Variants in FAM171A2 observed in about 807,000 individuals in gnomAD.
The protein encoded by FAM171A2 is family with sequence similarity 171 member A2.
Under a neutral mutation model 34.2 loss-of-function variants are expected in FAM171A2, and 13 were observed. The ratio of observed to expected loss-of-function variants is 0.38; its 90% confidence interval spans 0.25 to 0.60. FAM171A2 has a LOEUF of 0.60. FAM171A2 is among the 20% of genes least tolerant of loss of function. FAM171A2 has a pLI of 0.62. For missense variants in FAM171A2, 950 were observed against 1,180.7 expected (o/e 0.80, Z 2.86); for synonymous variants, 475 against 561.2 (o/e 0.85, Z 2.17).
rs1231595202 is a variant in FAM171A2, at chr17:44,354,116, G to T, written c.2098C>A (p.Arg700Ser). ...VDVHEARPARRRPAREERERA... is the reference protein window; with the variant it reads ...VDVHEARPARSRPAREERERA... ...TCCCGCTCCTCCCTCGCGGGCCGGC[G>T]GCGCGCGGGCCGCGCCTCGTGGACA... The change falls in exon 8 of 8, where the codon CGC (arginine) becomes AGC (serine). Residue 700 changes from arginine to serine, a missense_variant. Coordinates refer to ENST00000293443, the MANE Select transcript of FAM171A2 (RefSeq NM_198475.3). The surrounding 1 kb of genome is among the most constrained non-coding windows in gnomAD (Gnocchi z 5.8). 1 of 1,144,184 alleles carries T rather than the reference G, an allele frequency of 8.7e-7. No homozygotes were observed. Among genetic ancestry groups the T allele is most frequent in the African/African-American group, 1.7e-5 (1 of 60,448 alleles). 70.9% of individuals were successfully genotyped at this position (1,144,184 alleles called of 1,614,324 possible).
intron 3 of FAM171A2, 126 bp downstream of exon 3, chr17:44,359,453 C>A (rs2048438875): frequency 2.7e-6 from 2 of 750,792 alleles, no homozygotes; most frequent in Admixed American, 5.2e-5. Flanking sequence ...TACAAATGAG[C>A]AAATTATGGC....
chr17:44,355,339 G>C lies in FAM171A2; in HGVS notation c.1023-148C>G. ...CGCTCAGGAGAGATGGCGGGGAGCC[G>C]CCGTGTCCGTTTGGCGATCCCCTCA... is the stretch of plus-strand genomic sequence containing the variant. On this transcript the variant is annotated intron_variant, in intron 7 of 7. Coordinates refer to ENST00000293443, the MANE Select transcript of FAM171A2 (RefSeq NM_198475.3). This position sits in a 1 kb window ranked among gnomAD's most constrained non-coding sequence, Gnocchi z 4.1. 7.3e-7 allele frequency: 1 copy of C among 1,374,976 alleles called. No individual in the cohort carries two copies. The highest frequency in any genetic ancestry group is 9.6e-7 in the Non-Finnish European group (1 of 1,040,232). 85.2% of individuals were successfully genotyped at this position (1,374,976 alleles called of 1,614,324 possible). A position where few individuals can be genotyped will look rare whatever the true frequency, so the allele number is the denominator to read the frequency against.
chr17:44,353,739 G>A lies in FAM171A2; in HGVS notation c.2475C>T (p.Val825=). The stretch of plus-strand genomic sequence containing the variant: ...GCCAGGCCCTGCGCGGGCGCTACTT[G>A]ACGTTGAACACCATCAGCGGCCGCT... ...REERPLMVFN[V]K Residue 825 remains valine, a synonymous_variant, in exon 8 of 8, where the codon GTC becomes GTT. Coordinates refer to ENST00000293443, the MANE Select transcript of FAM171A2 (RefSeq NM_198475.3). 1.4e-6 allele frequency: 2 copies of A among 1,414,818 alleles called. No homozygotes were observed. The allele number at this position is 1,414,818 out of a possible 1,614,324, so 87.6% of individuals were successfully genotyped here.
intron 1 of FAM171A2, among the ~76,000 whole-genome samples, chr17:44,362,058 C>T (rs1337029423): frequency 4.3e-5 from 6 of 138,368 alleles, no homozygotes; most frequent in Non-Finnish European, 7.7e-5. Context: ...GGAAACAAAA[C>T]TGGGGTGGGC....
In FAM171A2 at chr17:44,353,691, C is replaced by G; in HGVS notation, c.*42G>C. On this transcript the variant is annotated 3_prime_UTR_variant, in exon 8 of 8. Coordinates refer to ENST00000293443, the MANE Select transcript of FAM171A2 (RefSeq NM_198475.3). ...GCCCCCGGGGCGCGCACCCTGGGTGCGGGCCCGCGCGGGAGGGGCGGTGCC... is the reference window on the plus strand; with the variant it reads ...GCCCCCGGGGCGCGCACCCTGGGTGGGGGCCCGCGCGGGAGGGGCGGTGCC... 8.0e-7 allele frequency: 1 copy of G among 1,257,298 alleles called. No homozygotes were observed. The highest frequency in any genetic ancestry group is 1.6e-5 in the African/African-American group (1 of 62,864). The allele number at this position is 1,257,298 out of a possible 1,614,324, so 77.9% of individuals were successfully genotyped here.
chr17:44,356,676 G>A (rs538227323), intron 3 of FAM171A2, 88 bp from the exon 4 acceptor site: 4 of 1,408,270 alleles, frequency 2.8e-6, no homozygotes, highest in African/African-American at 2.9e-5. Context: ...AGGAAAAGGG[G>A]GACATGAGGT....
At chr17:44,359,756 C>T in intron 2 of FAM171A2, 85 bp from the exon 3 acceptor site, 2 of 1,072,252 alleles carry the variant, frequency 1.9e-6, no homozygotes, top group Non-Finnish European at 2.5e-6. Context: ...GTCCCAGAGG[C>T]TTCACCCTCC....
In FAM171A2 at chr17:44,356,341, A is replaced by T; in HGVS notation, c.610T>A (p.Trp204Arg). 6.5e-7 allele frequency: 1 copy of T among 1,544,904 alleles called. No homozygotes were observed. The highest frequency in any genetic ancestry group is 8.8e-7 in the Non-Finnish European group (1 of 1,142,032). The stretch of plus-strand genomic sequence containing the variant: ...GCAGTCAGGGGCATCAGCTCCAGCC[A>T]GGAGCCATTGCCTGAGGGAAGAGGG... The part of the protein sequence containing the change: ...TEASSSGNGS[W>R]LELMPLTAVS... Residue 204 changes from tryptophan to arginine, a missense_variant, in exon 5 of 8, where the codon TGG becomes AGG. Physicochemically the swap from Trp to Arg is moderately radical, Grantham distance 101 (BLOSUM62 -3). Transcript: ENST00000293443.
At position 44,353,565 on chromosome 17, in the gene FAM171A2, C is replaced by G; in HGVS notation, c.*168G>C. On this transcript the variant is annotated 3_prime_UTR_variant, in exon 8 of 8. Coordinates refer to ENST00000293443, the MANE Select transcript of FAM171A2 (RefSeq NM_198475.3). The stretch of plus-strand genomic sequence containing the variant: ...CCCGGCTTGGAGGCAGACACAGGGT[C>G]CCTTGCAAGACACGACCCAGCACCA... 2.5e-6 allele frequency: 1 copy of G among 405,466 alleles called. No individual in the cohort carries two copies. The highest frequency in any genetic ancestry group is 5.4e-5 in the East Asian group (1 of 18,626). 25.1% of individuals were successfully genotyped at this position (405,466 alleles called of 1,614,324 possible).
chr17:44,356,086 A>C lies in FAM171A2; in HGVS notation c.779-12T>G. 1 of 1,530,714 alleles carries C rather than the reference A, an allele frequency of 6.5e-7. No homozygotes were observed. Among genetic ancestry groups the C allele is most frequent in the Non-Finnish European group, 8.8e-7 (1 of 1,134,904 alleles). 94.8% of individuals were successfully genotyped at this position (1,530,714 alleles called of 1,614,324 possible). On this transcript the variant is annotated splice_polypyrimidine_tract_variant and intron_variant, in intron 5 of 7. Coordinates refer to ENST00000293443, the MANE Select transcript of FAM171A2 (RefSeq NM_198475.3). ...GCGCACCCACAGCCCTGGGAGAGGCAGGGGTTTTGTCACACTTGAGTCGCT... is the reference window on the plus strand; with the variant it reads ...GCGCACCCACAGCCCTGGGAGAGGCCGGGGTTTTGTCACACTTGAGTCGCT...
At position 44,363,739 on chromosome 17, in the gene FAM171A2, G is replaced by T; in HGVS notation, c.-25C>A. 1.8e-6 allele frequency: 2 copies of T among 1,110,816 alleles called. No homozygotes were observed. Among genetic ancestry groups the T allele is most frequent in the Non-Finnish European group, 2.3e-6 (2 of 886,088 alleles). The allele number at this position is 1,110,816 out of a possible 1,614,324, so 68.8% of individuals were successfully genotyped here. Reference sequence around the variant, plus strand: ...TCGCGGGGCTAGGCCGGGCCCTAGCGGTCCATGGCTCCCGCCTGGTCCCGC... The same window carrying T: ...TCGCGGGGCTAGGCCGGGCCCTAGCTGTCCATGGCTCCCGCCTGGTCCCGC... On this transcript the variant is annotated 5_prime_UTR_variant, in exon 1 of 8. Coordinates refer to ENST00000293443, the MANE Select transcript of FAM171A2 (RefSeq NM_198475.3).
rs373064019 is a variant in FAM171A2, at chr17:44,355,912, C to G, written c.895+46G>C. ...GCCTTTCAGAAGTCTGCTCTCCCAG[C>G]TCCCCTCCTCCGCGGCCTCTACGCC... On this transcript the variant is annotated intron_variant, in intron 6 of 7. Coordinates refer to ENST00000293443, the MANE Select transcript of FAM171A2 (RefSeq NM_198475.3). The surrounding 1 kb of genome is among the most constrained non-coding windows in gnomAD (Gnocchi z 4.1). 1.9e-6 allele frequency: 3 copies of G among 1,545,474 alleles called. No homozygotes were observed. Among genetic ancestry groups the G allele is most frequent in the Non-Finnish European group, 2.6e-6 (3 of 1,143,028 alleles).
chr17:44,357,646 CAAA>C (rs538365409), intron 3 of FAM171A2, among the ~76,000 whole-genome samples: 5 of 142,958 alleles, frequency 3.5e-5, no homozygotes, highest in Non-Finnish European at 7.7e-5. Flanking sequence ...GAATCCATCT[CAAA>C]AAAAAAAATT....
intron 1 of FAM171A2, among the ~76,000 whole-genome samples, chr17:44,362,241 G>A (rs764996430): frequency 6.6e-6 from 1 of 152,120 alleles, no homozygotes; most frequent in Non-Finnish European, 1.5e-5. Flanking sequence ...GAGGTGCAGG[G>A]ACTTGAGGGG....
Position 44,354,935 on chromosome 17 carries a change from C to T in FAM171A2, c.1279G>A (p.Ala427Thr). Residue 427 changes from alanine (A) to threonine (T), a missense_variant, in exon 8 of 8, where the codon GCC (alanine) becomes ACC (threonine). Ala to Thr is a moderately conservative substitution (Grantham distance 58, BLOSUM62 0). Transcript: ENST00000293443. This position sits in a 1 kb window ranked among gnomAD's most constrained non-coding sequence, Gnocchi z 5.8. ...CCGCGGGCACCCGAAGGCTCGGCGG[C>T]CGGGCGGCTGGCAGAGCGCGGCTTG... is the stretch of plus-strand genomic sequence containing the variant. ...RTKPRSASRP[A>T]AEPSGARGGE... The T allele has an allele frequency of 7.0e-7, 1 of 1,421,232 alleles. No homozygotes were observed. Among genetic ancestry groups the T allele is most frequent in the East Asian group, 2.8e-5 (1 of 35,140 alleles). The allele number at this position is 1,421,232 out of a possible 1,614,324, so 88.0% of individuals were successfully genotyped here.
Position 44,355,573 on chromosome 17 carries a change from C to T in FAM171A2, c.1022+142G>A, listed in dbSNP as rs1567890924. The T allele has an allele frequency of 2.4e-6, 3 of 1,252,156 alleles. No homozygotes were observed. Among genetic ancestry groups the T allele is most frequent in the East Asian group, 2.5e-5 (1 of 39,284 alleles). The allele number at this position is 1,252,156 out of a possible 1,614,324, so 77.6% of individuals were successfully genotyped here. A position where few individuals can be genotyped will look rare whatever the true frequency, so the allele number is the denominator to read the frequency against. On this transcript the variant is annotated intron_variant, in intron 7 of 7. Coordinates refer to ENST00000293443, the MANE Select transcript of FAM171A2 (RefSeq NM_198475.3). The surrounding 1 kb of genome is among the most constrained non-coding windows in gnomAD (Gnocchi z 4.1). ...CCTCCCCGCTGTCTTCAACCACCAGCACCAGCCCTTCAGGTCTTAGCATGT... is the reference window on the plus strand; with the variant it reads ...CCTCCCCGCTGTCTTCAACCACCAGTACCAGCCCTTCAGGTCTTAGCATGT...
At chr17:44,360,175 G>A (rs1424818945) in intron 1 of FAM171A2, 43 bp from the exon 2 acceptor site, 1 of 1,495,486 alleles carries the variant, frequency 6.7e-7, no homozygotes. Context: ...CGAGGGAGGG[G>A]GAAAGAGAAC....
rs763963124 is a variant in FAM171A2, at chr17:44,356,395, G to A, written c.598+35C>T. 4.1e-5 allele frequency: 63 copies of A among 1,547,682 alleles called. No homozygotes were observed. The East Asian group carries it at 5.9e-4, about 14-fold the overall frequency. On this transcript the variant is annotated intron_variant, in intron 4 of 7. Transcript: ENST00000293443. ...AGGGCTGAGGGCTGATCCTGAGCCT[G>A]GGGAGACCCCATCCGTGCTGGGCAC...
rs939289282 is a variant in FAM171A2 at position 44,354,824 on chromosome 17, G to C, written c.1390C>G (p.Pro464Ala). Residue 464 changes from proline to alanine, a missense_variant, in exon 8 of 8, where the codon CCC (proline) becomes GCC (alanine). By Grantham distance (27) the Pro-to-Ala change is conservative. Transcript: ENST00000293443. This position sits in a 1 kb window ranked among gnomAD's most constrained non-coding sequence, Gnocchi z 5.8. The part of the protein sequence containing the change: ...EPGLEEHRRG[P>A]SGAAAFLHEP... Reference sequence around the variant, plus strand: ...TGCAGGAAGGCCGCAGCCCCCGAGGGCCCCCGCCGGTGCTCCTCTAGGCCG... The same window carrying C: ...TGCAGGAAGGCCGCAGCCCCCGAGGCCCCCCGCCGGTGCTCCTCTAGGCCG... 1 of 1,281,018 alleles carries C rather than the reference G, an allele frequency of 7.8e-7. No homozygotes were observed. Among genetic ancestry groups the C allele is most frequent in the East Asian group, 3.2e-5 (1 of 31,478 alleles). The allele number at this position is 1,281,018 out of a possible 1,614,324, so 79.4% of individuals were successfully genotyped here. A position where few individuals can be genotyped will look rare whatever the true frequency, so the allele number is the denominator to read the frequency against.
Sources: gnomAD v4.1 joint callset for allele counts (sites outside exome capture counted in the v4.1 genomes callset) on GRCh38, gnomAD v4.1.1 for gene constraint, Gnocchi (gnomAD v3.1) non-coding constraint, MANE v1.5 for transcripts, NCBI Gene and HGNC (gene_info 2026-07-23, HGNC 2026-07-21) for gene names.